Variants in CHD6 observed in about 807,000 individuals in gnomAD.
CHD6 encodes the protein ATP-dependent chromatin remodeler CHD6.
In CHD6, 50 loss-of-function variants were observed where a neutral mutation model predicts 276.9. That is an observed-to-expected ratio of 0.18 (90% CI 0.14 to 0.23). The LOEUF (loss-of-function observed/expected upper bound fraction) is 0.23, where lower values mean the gene tolerates loss of function less well. Among genes scored for constraint, CHD6 ranks in the 10% least tolerant of loss-of-function variants. The pLI, the probability that CHD6 is intolerant of heterozygous loss-of-function variation, is 1.00. For missense variants in CHD6, 2,564 were observed against 3,365.8 expected (o/e 0.76, Z 5.89); for synonymous variants, 1,173 against 1,229.3 (o/e 0.95, Z 0.96).
chr20:41,613,082 A>G (rs1030246613), intron 1 of CHD6, among the ~76,000 whole-genome samples: 3 of 152,126 alleles, frequency 2.0e-5, no homozygotes, highest in Non-Finnish European at 4.4e-5. Flanking sequence ...CTGGTTTTAT[A>G]TGTATGTTCT....
rs1331257974 is a variant in CHD6, at chr20:41,455,968, G to C, written c.2841C>G (p.Leu947=). 3 of 1,576,710 alleles carry C rather than the reference G, an allele frequency of 1.9e-6. No individual in the cohort carries two copies. Among genetic ancestry groups the C allele is most frequent in the Non-Finnish European group, 2.6e-6 (3 of 1,162,736 alleles). ...RKGGTNGVQQ[L]SKMEVEDLLR... Reference sequence around the variant, plus strand: ...GTAGGTCCTCCACCTCCATTTTTGAGAGCTGCTGTACCTGGACAGGTCACC... The same window carrying C: ...GTAGGTCCTCCACCTCCATTTTTGACAGCTGCTGTACCTGGACAGGTCACC... Residue 947 remains leucine, a synonymous_variant, in exon 19 of 37, where the codon CTC becomes CTG. Transcript: ENST00000373233.
chr20:41,422,535 G>T (rs1245874533), intron 30 of CHD6, among the ~76,000 whole-genome samples: 4 of 152,080 alleles, frequency 2.6e-5, no homozygotes, highest in Non-Finnish European at 5.9e-5. Context: ...TAGTCTGGCT[G>T]CTTGGAAGGC....
intron 3 of CHD6, among the ~76,000 whole-genome samples, chr20:41,525,093 C>T (rs969880025): frequency 6.6e-6 from 1 of 152,162 alleles, no homozygotes; most frequent in Non-Finnish European, 1.5e-5. Flanking sequence ...AAACTGCTTT[C>T]TCTACAAGCC....
chr20:41,532,302 T>C (rs1482833299), intron 3 of CHD6, among the ~76,000 whole-genome samples: 2 of 152,152 alleles, frequency 1.3e-5, no homozygotes, highest in Non-Finnish European at 2.9e-5. Flanking sequence ...ATGAACTAGA[T>C]AAACAGATCA....
chr20:41,482,209 TAAG>T (rs953042484), intron 16 of CHD6, among the ~76,000 whole-genome samples: 16 of 152,154 alleles, frequency 1.1e-4, no homozygotes, highest in African/African-American at 3.9e-4. Flanking sequence ...TAAGATAATA[TAAG>T]AAGCAAATGC....
intron 1 of CHD6, among the ~76,000 whole-genome samples, chr20:41,555,372 C>T (rs1336980368): frequency 2.7e-5 from 4 of 149,018 alleles, no homozygotes; most frequent in African/African-American, 7.4e-5. Flanking sequence ...CCGACCCCCC[C>T]ACCTCCCTCC....
chr20:41,416,631 T>C lies in CHD6; in HGVS notation c.6443A>G (p.His2148Arg), dbSNP rs750968365. 1.2e-6 allele frequency: 2 copies of C among 1,613,854 alleles called. No homozygotes were observed. The highest frequency in any genetic ancestry group is 2.2e-5 in the South Asian group (2 of 91,064). The stretch of plus-strand genomic sequence containing the variant: ...CAATGCTGCGCCGTTGCTGAAGCTG[T>C]GTTCTGCTGCTTCCGGCTCTGAGAG... ...TSLSEPEAAEHSFSNGAALAA... is the reference protein window; with the variant it reads ...TSLSEPEAAERSFSNGAALAA... Residue 2148 changes from histidine (H) to arginine (R), a missense_variant, in exon 33 of 37, where the codon CAC (histidine) becomes CGC (arginine). Physicochemically the swap from His to Arg is conservative, Grantham distance 29. This residue lies in a region of CHD6 where 1,024 missense variants were observed against 1,047.9 expected (regional missense o/e 0.98). Transcript: ENST00000373233.
intron 13 of CHD6, 25 bp downstream of exon 13, chr20:41,488,403 T>TAA: frequency 6.3e-7 from 1 of 1,586,736 alleles, no homozygotes; most frequent in Non-Finnish European, 8.6e-7. Flanking sequence ...AACCTGTGTT[T>TAA]ATGTAAAGAG....
At chr20:41,579,810 T>C (rs1168022305) in intron 1 of CHD6, among the ~76,000 whole-genome samples, 1 of 152,218 alleles carries the variant, frequency 6.6e-6, no homozygotes, top group Non-Finnish European at 1.5e-5. Flanking sequence ...GATATATATA[T>C]TTCTAAGAGT....
rs1322066683 is a variant in CHD6, at chr20:41,455,999, C to T, written c.2830-20G>A. On this transcript the variant is annotated intron_variant, in intron 18 of 36. Transcript: ENST00000373233. ...CTGTACCTGGACAGGTCACCAAAGG[C>T]TACTCACAAAGTGGAAAATGTATAG... is the stretch of plus-strand genomic sequence containing the variant. 6.7e-7 allele frequency: 1 copy of T among 1,487,460 alleles called. No homozygotes were observed. The allele number at this position is 1,487,460 out of a possible 1,614,324, so 92.1% of individuals were successfully genotyped here.
chr20:41,445,164 C>T (rs1216972617), intron 25 of CHD6, among the ~76,000 whole-genome samples: 1 of 152,204 alleles, frequency 6.6e-6, no homozygotes, highest in Admixed American at 6.5e-5. Context: ...TCAATTACCA[C>T]ATTTTTAAAA....
intron 2 of CHD6, chr20:41,547,827 G>T: frequency 2.1e-6 from 1 of 474,062 alleles, no homozygotes; most frequent in Non-Finnish European, 4.2e-6. Flanking sequence ...CCTGGGGACT[G>T]ACTACTGCCC....
At chr20:41,415,058 G>C (rs527917205) in intron 34 of CHD6, 128 bp downstream of exon 34, 36 of 1,473,522 alleles carry the variant, frequency 2.4e-5, no homozygotes, top group Non-Finnish European at 2.6e-5. Context: ...CTTATAATGA[G>C]AGAAAATAAA....
At chr20:41,496,396 G>C (rs887616662) in intron 8 of CHD6, among the ~76,000 whole-genome samples, 9 of 152,098 alleles carry the variant, frequency 5.9e-5, no homozygotes, top group African/African-American at 1.9e-4. Flanking sequence ...AACGTCTCCT[G>C]GGTGTTCAGG....
intron 1 of CHD6, among the ~76,000 whole-genome samples, chr20:41,603,639 G>T (rs576836839): frequency 6.6e-6 from 1 of 152,308 alleles, no homozygotes; most frequent in South Asian, 2.1e-4. Flanking sequence ...GCCAAGGCAG[G>T]TGGATTGCCT....
rs1407685343 is a variant in CHD6 at position 41,425,260 on chromosome 20, C to T, written c.4264G>A (p.Gly1422Ser). 1 of 1,614,056 alleles carries T rather than the reference C, an allele frequency of 6.2e-7. No homozygotes were observed. Among genetic ancestry groups the T allele is most frequent in the Non-Finnish European group, 8.5e-7 (1 of 1,180,036 alleles). Residue 1422 changes from glycine to serine, a missense_variant, in exon 29 of 37, where the codon GGT becomes AGT. Gly to Ser is a moderately conservative substitution (Grantham distance 56). Around this residue, in one of 7 missense-constraint regions of CHD6, gnomAD observed 515 missense variants for 739.5 expected, o/e 0.70. Coordinates refer to ENST00000373233, the MANE Select transcript of CHD6 (RefSeq NM_032221.5). ...TCCTGAACCCAATATCCTTGGTTAC[C>T]TGGTCCCAGAATTTCAGGCCGGCAC... is the stretch of plus-strand genomic sequence containing the variant. ...ELCRPEILGP[G>S]NQGYWVQEEM...
chr20:41,525,281 C>T (rs2044502863), intron 3 of CHD6, among the ~76,000 whole-genome samples: 1 of 152,210 alleles, frequency 6.6e-6, no homozygotes, highest in Non-Finnish European at 1.5e-5. Flanking sequence ...TTCCCCAGGG[C>T]AAACTGCCCA....
chr20:41,501,922 T>C (rs2145912098), intron 5 of CHD6, among the ~76,000 whole-genome samples: 1 of 152,332 alleles, frequency 6.6e-6, no homozygotes, highest in East Asian at 1.9e-4. Context: ...TTCATATGCT[T>C]ACTGGACATT....
At chr20:41,560,401 G>A (rs947870131) in intron 1 of CHD6, among the ~76,000 whole-genome samples, 2 of 152,126 alleles carry the variant, frequency 1.3e-5, no homozygotes, top group Admixed American at 1.3e-4. Context: ...GCCTTGTGTG[G>A]TCTCATCCTT....
Sources: allele counts gnomAD v4.1 joint callset (sites outside exome capture counted in the v4.1 genomes callset), GRCh38; gene constraint gnomAD v4.1.1; regional missense constraint gnomAD v4.1.1; transcripts MANE v1.5; gene names NCBI Gene and HGNC (gene_info 2026-07-23, HGNC 2026-07-21).